Variants in FAF1 observed in about 807,000 individuals in gnomAD.
The protein encoded by FAF1 is FAS-associated factor 1.
Under a neutral mutation model 92.5 loss-of-function variants are expected in FAF1, and 25 were observed. The ratio of observed to expected loss-of-function variants is 0.27; its 90% CI spans 0.20 to 0.38. FAF1 has a LOEUF of 0.38. Among genes scored for constraint, FAF1 ranks in the 10% least tolerant of loss-of-function variants. FAF1 has a pLI of 1.00. For missense variants in FAF1, 636 were observed against 793.3 expected (o/e 0.80, Z 2.38); for synonymous variants, 234 against 273.2 (o/e 0.86, Z 1.42).
chr1:50,527,054 G>A (rs1424105733), intron 15 of FAF1, among the ~76,000 whole-genome samples: 1 of 151,828 alleles, frequency 6.6e-6, no homozygotes, highest in Non-Finnish European at 1.5e-5. Flanking sequence ...ACAGGGTTTC[G>A]CTATGTTGGC....
chr1:50,621,429 T>A (rs2124177204), intron 8 of FAF1, among the ~76,000 whole-genome samples: 1 of 131,288 alleles, frequency 7.6e-6, no homozygotes, highest in Non-Finnish European at 1.6e-5. Context: ...AGATGGAGTC[T>A]CACTCTGTAG....
At chr1:50,719,829 C>T (rs913078066) in intron 6 of FAF1, among the ~76,000 whole-genome samples, 2 of 152,186 alleles carry the variant, frequency 1.3e-5, no homozygotes, top group African/African-American at 4.8e-5. Context: ...ACAAGCTAAT[C>T]TCAGTAGTCA....
chr1:50,490,745 A>G, intron 16 of FAF1, 80 bp from the exon 17 acceptor site: 1 of 919,666 alleles, frequency 1.1e-6, no homozygotes, highest in Non-Finnish European at 1.8e-6. Flanking sequence ...AAAGAGAAAA[A>G]AGAAAAGAGG....
At chr1:50,701,337 C>T (rs1657465240) in intron 7 of FAF1, among the ~76,000 whole-genome samples, 1 of 152,038 alleles carries the variant, frequency 6.6e-6, no homozygotes, top group East Asian at 1.9e-4. Context: ...AGTTACCCTA[C>T]TCTTACTTCA....
At chr1:50,634,062 A>T (rs1257654866) in intron 8 of FAF1, among the ~76,000 whole-genome samples, 1 of 152,220 alleles carries the variant, frequency 6.6e-6, no homozygotes, top group African/African-American at 2.4e-5. Context: ...TACATGTAGA[A>T]TATTAAACAA....
intron 1 of FAF1, among the ~76,000 whole-genome samples, chr1:50,881,880 T>G (rs1162373630): frequency 6.6e-6 from 1 of 152,330 alleles, no homozygotes; most frequent in Admixed American, 6.5e-5. Flanking sequence ...CATTAATATG[T>G]GCATTGAAAA....
intron 1 of FAF1, among the ~76,000 whole-genome samples, chr1:50,862,619 A>C (rs1644445393): frequency 6.6e-6 from 1 of 151,936 alleles, no homozygotes; most frequent in Admixed American, 6.6e-5. Context: ...ATAAGAATTC[A>C]CCAACCAAAT....
chr1:50,818,421 A>C (rs909226597), intron 2 of FAF1, among the ~76,000 whole-genome samples: 3 of 152,230 alleles, frequency 2.0e-5, no homozygotes, highest in Admixed American at 2.0e-4. Flanking sequence ...AAAAGAAAAA[A>C]TGTCTACCAA....
intron 15 of FAF1, among the ~76,000 whole-genome samples, chr1:50,525,578 C>T (rs1572807900): frequency 6.6e-6 from 1 of 152,168 alleles, no homozygotes; most frequent in East Asian, 1.9e-4. Flanking sequence ...CTAGAAGTTA[C>T]AGTCCTATGT....
chr1:50,886,483 C>G (rs1644665528), intron 1 of FAF1, among the ~76,000 whole-genome samples: 3 of 152,062 alleles, frequency 2.0e-5, no homozygotes, highest in African/African-American at 7.2e-5. Context: ...CACCCACTAA[C>G]TCGTCATTTA....
chr1:50,451,309 A>G (rs1038119888), intron 18 of FAF1, among the ~76,000 whole-genome samples: 8 of 152,218 alleles, frequency 5.3e-5, no homozygotes, highest in Admixed American at 1.3e-4. Context: ...AAATTATAAT[A>G]ATGGTAACAA....
intron 7 of FAF1, among the ~76,000 whole-genome samples, chr1:50,692,141 G>A (rs991481992): frequency 2.0e-5 from 3 of 151,996 alleles, no homozygotes; most frequent in Admixed American, 6.6e-5. Flanking sequence ...AATGGAACCC[G>A]GGAGTTCGAG....
chr1:50,726,754 G>A (rs747892416), intron 6 of FAF1, among the ~76,000 whole-genome samples: 2 of 152,078 alleles, frequency 1.3e-5, no homozygotes, highest in East Asian at 3.9e-4. Context: ...GCGTGAATCC[G>A]GGAGGCGGAA....
intron 8 of FAF1, among the ~76,000 whole-genome samples, chr1:50,652,739 T>C (rs1004184680): frequency 4.6e-5 from 7 of 152,192 alleles, no homozygotes; most frequent in Admixed American, 6.5e-5. Flanking sequence ...CTGCCACACA[T>C]AGGTTATTCT....
intron 3 of FAF1, among the ~76,000 whole-genome samples, chr1:50,794,163 C>A (rs989647899): frequency 1.3e-5 from 2 of 152,194 alleles, no homozygotes; most frequent in African/African-American, 4.8e-5. Flanking sequence ...CAAGGGCTGC[C>A]ACCTTGGTAA....
intron 1 of FAF1, among the ~76,000 whole-genome samples, chr1:50,918,203 T>G (rs76910477): frequency 6.7e-6 from 1 of 150,070 alleles, no homozygotes; most frequent in East Asian, 1.9e-4. Flanking sequence ...TTTTTTTTTT[T>G]AATTATACTC....
chr1:50,502,611 GGCT>G (rs1647006143), intron 15 of FAF1, among the ~76,000 whole-genome samples: 1 of 152,128 alleles, frequency 6.6e-6, no homozygotes, highest in African/African-American at 2.4e-5. Context: ...AGTGCTCAGT[GGCT>G]GCTGGAGGCT....
intron 4 of FAF1, among the ~76,000 whole-genome samples, chr1:50,768,393 C>T (rs969301266): frequency 1.3e-5 from 2 of 151,928 alleles, no homozygotes; most frequent in Non-Finnish European, 2.9e-5. Flanking sequence ...AGGCAAAAGA[C>T]TAACAAAGAT....
intron 15 of FAF1, among the ~76,000 whole-genome samples, chr1:50,497,540 C>CTTTTTTTTTTT: frequency 9.9e-6 from 1 of 100,550 alleles, no homozygotes; most frequent in African/African-American, 3.6e-5. Context: ...ATTCAAAACT[C>CTTTTTTTTTTT]TTTTTTTTTT....
Sources: allele counts gnomAD v4.1 joint callset (sites outside exome capture counted in the v4.1 genomes callset), GRCh38; gene constraint gnomAD v4.1.1; transcripts MANE v1.5; gene names NCBI Gene and HGNC (gene_info 2026-07-23, HGNC 2026-07-21).